Variants in SNX18 observed in about 807,000 individuals in gnomAD.
SNX18 encodes sorting nexin-18.
Under a neutral mutation model 48.7 loss-of-function variants are expected in SNX18, and 35 were observed. That is an observed-to-expected ratio of 0.72 (90% CI 0.55 to 0.95). The LOEUF is 0.95. SNX18 is among the 40% of genes least tolerant of loss of function. SNX18 has a pLI of 0.00. For missense variants in SNX18, 824 were observed against 871.0 expected, an observed-to-expected ratio of 0.95 and a Z score of 0.68; for synonymous variants, 492 against 384.7, an observed-to-expected ratio of 1.28 and a Z score of -3.26.
chr5:54,558,003 G>C, the SNX18 span, among the ~76,000 whole-genome samples: 3 of 152,088 alleles, frequency 2.0e-5, no homozygotes, highest in Non-Finnish European at 4.4e-5. Context: ...CAAAGTGCTG[G>C]GATTATAGGT....
chr5:54,550,331 G>C (rs942786459), downstream of SNX18, among the ~76,000 whole-genome samples: 3 of 152,064 alleles, frequency 2.0e-5, no homozygotes, highest in Non-Finnish European at 2.9e-5. Context: ...TCCTATCCCA[G>C]AATCAATGGA....
intron 1 of SNX18, among the ~76,000 whole-genome samples, chr5:54,523,200 C>T (rs62356893): frequency 0.23 from 34,396 of 151,948 alleles, 4,736 homozygotes; most frequent in Non-Finnish European, 0.3. Flanking sequence ...TTATCTTCTC[C>T]CTCCTTATCA....
the SNX18 span, among the ~76,000 whole-genome samples, chr5:54,567,242 G>C: frequency 6.6e-6 from 1 of 151,950 alleles, no homozygotes; most frequent in South Asian, 2.1e-4. Flanking sequence ...TGTGTGTGTG[G>C]AGATGGGAGG....
the SNX18 span, among the ~76,000 whole-genome samples, chr5:54,601,053 C>A: frequency 6.6e-6 from 1 of 152,100 alleles, no homozygotes; most frequent in African/African-American, 2.4e-5. Context: ...TCTATCCATT[C>A]ATCTATTCCT....
the SNX18 span, among the ~76,000 whole-genome samples, chr5:54,553,776 C>T: frequency 6.6e-6 from 1 of 152,174 alleles, no homozygotes; most frequent in Non-Finnish European, 1.5e-5. Context: ...CCTTGTCTCT[C>T]TCAGTGCAAT....
At chr5:54,572,436 T>C in the SNX18 span, among the ~76,000 whole-genome samples, 264 of 152,198 alleles carry the variant, frequency 1.7e-3, no homozygotes, top group Middle Eastern at 0.017. Flanking sequence ...AACTCCTTAC[T>C]TCTTGCTGTT....
the SNX18 span, among the ~76,000 whole-genome samples, chr5:54,595,198 A>T: frequency 6.6e-6 from 1 of 152,176 alleles, no homozygotes; most frequent in East Asian, 1.9e-4. Flanking sequence ...CAGTAATGGG[A>T]TTGCTAGGCT....
chr5:54,588,303 ATTCTTTTTTTTTTTTTTTTT>A, the SNX18 span, among the ~76,000 whole-genome samples: 2 of 100,448 alleles, frequency 2.0e-5, no homozygotes, highest in Admixed American at 1.0e-4. Context: ...TGTTATTTCT[ATTCTTTTTTTTTTTTTTTTT>A]TTTTTTTTTT....
chr5:54,573,053 C>T, the SNX18 span, among the ~76,000 whole-genome samples: 3 of 151,812 alleles, frequency 2.0e-5, no homozygotes, highest in Non-Finnish European at 4.4e-5. Flanking sequence ...GTTTGCTAAA[C>T]ACACCCAGAC....
chr5:54,563,548 C>T, the SNX18 span, among the ~76,000 whole-genome samples: 1 of 152,180 alleles, frequency 6.6e-6, no homozygotes, highest in African/African-American at 2.4e-5. Flanking sequence ...TGTAAGTGCA[C>T]GCTGTGATGG....
At chr5:54,532,713 A>G (rs967249206) in intron 1 of SNX18, among the ~76,000 whole-genome samples, 1 of 152,168 alleles carries the variant, frequency 6.6e-6, no homozygotes, top group Admixed American at 6.5e-5. Context: ...TAGTAATTTT[A>G]TCACGTTTAA....
chr5:54,529,226 C>A (rs1437057214), intron 1 of SNX18, among the ~76,000 whole-genome samples: 1 of 152,040 alleles, frequency 6.6e-6, no homozygotes, highest in East Asian at 1.9e-4. Flanking sequence ...GGCTGCTTGC[C>A]TGCAGAGTAG....
chr5:54,566,872 C>A, the SNX18 span, among the ~76,000 whole-genome samples: 1 of 152,210 alleles, frequency 6.6e-6, no homozygotes, highest in African/African-American at 2.4e-5. Flanking sequence ...ATTGGTCTCA[C>A]CAACAGGACT....
At chr5:54,587,864 G>A in the SNX18 span, among the ~76,000 whole-genome samples, 1 of 152,218 alleles carries the variant, frequency 6.6e-6, no homozygotes, top group Non-Finnish European at 1.5e-5. Context: ...CAAGGATACA[G>A]TGTGACTGTC....
chr5:54,625,338 A>G, the SNX18 span, among the ~76,000 whole-genome samples: 2 of 152,224 alleles, frequency 1.3e-5, no homozygotes, highest in African/African-American at 4.8e-5. Context: ...TCAAGTTGTC[A>G]GCCAGGGCTG....
chr5:54,638,476 C>A, the SNX18 span, among the ~76,000 whole-genome samples: 1 of 152,216 alleles, frequency 6.6e-6, no homozygotes, highest in Non-Finnish European at 1.5e-5. Context: ...CTTGAGACAG[C>A]TGAATAATAG....
chr5:54,575,670 C>G, the SNX18 span, among the ~76,000 whole-genome samples: 1 of 152,012 alleles, frequency 6.6e-6, no homozygotes, highest in African/African-American at 2.4e-5. Flanking sequence ...TGCAGACCCC[C>G]CTTTTTTTAA....
At chr5:54,579,670 C>A in the SNX18 span, among the ~76,000 whole-genome samples, 103 of 152,230 alleles carry the variant, frequency 6.8e-4, no homozygotes, top group African/African-American at 2.4e-3. Flanking sequence ...ACATGTGAGG[C>A]TTTTAGGAGT....
At chr5:54,584,676 G>A in the SNX18 span, among the ~76,000 whole-genome samples, 1 of 152,140 alleles carries the variant, frequency 6.6e-6, no homozygotes, top group Non-Finnish European at 1.5e-5. Flanking sequence ...GCAGGTAGGG[G>A]AATAATTATA....
Sources: allele counts gnomAD v4.1 joint callset (sites outside exome capture counted in the v4.1 genomes callset), GRCh38; gene constraint gnomAD v4.1.1; transcripts MANE v1.5; gene names NCBI Gene and HGNC (gene_info 2026-07-23, HGNC 2026-07-21).